Variants in OTUD7A observed in about 807,000 individuals in gnomAD.
OTUD7A encodes the protein OTU deubiquitinase 7A, also known as OTU domain-containing protein 7A.
Under a neutral mutation model 65.7 loss-of-function variants are expected in OTUD7A, and 12 were observed. That is an observed-to-expected ratio of 0.18 (90% CI 0.12 to 0.30). The LOEUF (loss-of-function observed/expected upper bound fraction) is 0.30. Ranked by LOEUF, OTUD7A falls within the 10% of genes least tolerant of loss-of-function variation. OTUD7A has a pLI of 1.00. For synonymous variants in OTUD7A, 641 were observed against 586.3 expected, an observed-to-expected ratio of 1.09 and a Z score of -1.35; for missense variants, 1,148 against 1,304.8, an observed-to-expected ratio of 0.88 and a Z score of 1.85.
At chr15:31,745,082 T>C (rs1388374496) in intron 1 of OTUD7A, among the ~76,000 whole-genome samples, 6 of 152,112 alleles carry the variant, frequency 3.9e-5, no homozygotes, top group African/African-American at 4.8e-5. Flanking sequence ...ATATATTACA[T>C]TCATAGATTC....
chr15:31,510,486 T>C (rs1173081151), intron 8 of OTUD7A, among the ~76,000 whole-genome samples: 4 of 149,560 alleles, frequency 2.7e-5, no homozygotes, highest in African/African-American at 9.8e-5. Context: ...TATATATGTA[T>C]GTATATCTAT....
chr15:31,694,356 C>T (rs1893025857), intron 1 of OTUD7A, among the ~76,000 whole-genome samples: 1 of 152,226 alleles, frequency 6.6e-6, no homozygotes, highest in Non-Finnish European at 1.5e-5. Context: ...AGTTCTCCCT[C>T]TCCCTGTCAT....
intron 1 of OTUD7A, among the ~76,000 whole-genome samples, chr15:31,848,578 C>T (rs752632368): frequency 1.3e-5 from 2 of 152,218 alleles, no homozygotes; most frequent in Non-Finnish European, 2.9e-5. Flanking sequence ...CTTTGCCCTC[C>T]GGCCTTCCCA....
chr15:31,631,475 T>C (rs996006914), intron 3 of OTUD7A, among the ~76,000 whole-genome samples: 3 of 152,158 alleles, frequency 2.0e-5, no homozygotes, highest in Non-Finnish European at 4.4e-5. Context: ...GTCTGATGGG[T>C]TTCCCTTTGT....
intron 3 of OTUD7A, among the ~76,000 whole-genome samples, chr15:31,627,058 T>C (rs1890980466): frequency 6.6e-6 from 1 of 152,074 alleles, no homozygotes; most frequent in Non-Finnish European, 1.5e-5. Flanking sequence ...GGCTGGTAGT[T>C]GCTGAAGGTT....
At chr15:31,583,905 T>C (rs1889449235) in intron 3 of OTUD7A, among the ~76,000 whole-genome samples, 1 of 152,124 alleles carries the variant, frequency 6.6e-6, no homozygotes, top group South Asian at 2.1e-4. Flanking sequence ...TTCCCCTTCC[T>C]ACTTGGAATA....
At chr15:31,625,408 AT>A (rs1305176794) in intron 3 of OTUD7A, among the ~76,000 whole-genome samples, 1 of 151,584 alleles carries the variant, frequency 6.6e-6, no homozygotes, top group Non-Finnish European at 1.5e-5. Flanking sequence ...AACATTCCTG[AT>A]TTAAAAAAAA....
intron 3 of OTUD7A, among the ~76,000 whole-genome samples, chr15:31,611,999 T>C (rs1006628112): frequency 6.6e-6 from 1 of 152,276 alleles, no homozygotes; most frequent in Admixed American, 6.5e-5. Flanking sequence ...ATTTAACATA[T>C]GCAAGTTGAT....
At chr15:31,867,901 G>C (rs933154529) in intron 1 of OTUD7A, among the ~76,000 whole-genome samples, 5 of 150,152 alleles carry the variant, frequency 3.3e-5, no homozygotes, top group African/African-American at 9.8e-5. Context: ...GCATGCGGGA[G>C]CGGAGGGGGA....
chr15:31,787,270 G>A (rs528913269), intron 1 of OTUD7A, among the ~76,000 whole-genome samples: 29 of 152,232 alleles, frequency 1.9e-4, no homozygotes, highest in Admixed American at 1.7e-3. Flanking sequence ...GCCTCACCAA[G>A]TAGGGCTAAT....
intron 1 of OTUD7A, among the ~76,000 whole-genome samples, chr15:31,696,040 AC>A (rs1893073116): frequency 6.6e-6 from 1 of 152,266 alleles, no homozygotes. Flanking sequence ...TCCAGTGCAG[AC>A]ACGGGTTGGG....
At chr15:31,842,722 CTA>C (rs1897212988) in intron 1 of OTUD7A, among the ~76,000 whole-genome samples, 1 of 152,184 alleles carries the variant, frequency 6.6e-6, no homozygotes, top group Admixed American at 6.5e-5. Flanking sequence ...AAACCCTGAC[CTA>C]CTTAGGGCTG....
At chr15:31,715,293 G>A (rs62002686) in intron 1 of OTUD7A, among the ~76,000 whole-genome samples, 101,439 of 137,896 alleles carry the variant, frequency 0.74, 37,270 homozygotes, top group South Asian at 0.8. Context: ...TTCAGATGGC[G>A]CCTGGCTGTC....
At chr15:31,597,871 A>G (rs560216138) in intron 3 of OTUD7A, among the ~76,000 whole-genome samples, 25 of 152,120 alleles carry the variant, frequency 1.6e-4, no homozygotes, top group Non-Finnish European at 2.9e-4. Context: ...GGACCCCCAT[A>G]GAGGGGCTGC....
chr15:31,643,050 C>T (rs1891563263), intron 3 of OTUD7A, among the ~76,000 whole-genome samples: 1 of 152,044 alleles, frequency 6.6e-6, no homozygotes, highest in African/African-American at 2.4e-5. Flanking sequence ...TTCCTTGAAT[C>T]ATTTTTTCCT....
chr15:31,716,655 G>T (rs2141343655), intron 1 of OTUD7A, among the ~76,000 whole-genome samples: 2 of 141,584 alleles, frequency 1.4e-5, no homozygotes, highest in South Asian at 5.4e-4. Flanking sequence ...GAATCCAACA[G>T]TGGGGAATGC....
At chr15:31,791,621 C>G (rs1039217408) in intron 1 of OTUD7A, among the ~76,000 whole-genome samples, 1 of 152,182 alleles carries the variant, frequency 6.6e-6, no homozygotes, top group African/African-American at 2.4e-5. Flanking sequence ...ATCTAAGAGG[C>G]TTTCTATTCA....
intron 1 of OTUD7A, among the ~76,000 whole-genome samples, chr15:31,752,157 T>C (rs1716249672): frequency 6.6e-6 from 1 of 152,180 alleles, no homozygotes; most frequent in Non-Finnish European, 1.5e-5. Flanking sequence ...TCAATGTATA[T>C]GTTGAATCAA....
chr15:31,753,717 TATATTATATATA>T (rs1894721992), intron 1 of OTUD7A, among the ~76,000 whole-genome samples: 1 of 85,618 alleles, frequency 1.2e-5, no homozygotes, highest in African/African-American at 5.2e-5. Context: ...TATATATATA[TATATTATATATA>T]TATATATATA....
Sources: gnomAD v4.1 joint callset for allele counts (sites outside exome capture counted in the v4.1 genomes callset) on GRCh38, gnomAD v4.1.1 for gene constraint, MANE v1.5 for transcripts, NCBI Gene and HGNC (gene_info 2026-07-23, HGNC 2026-07-21) for gene names.